TRIP12: variants seen among roughly 807,000 people sequenced by gnomAD.
The protein encoded by TRIP12 is E3 ubiquitin-protein ligase TRIP12.
A neutral mutation model predicts 244.2 loss-of-function variants in TRIP12; 25 were observed. The ratio of observed to expected loss-of-function variants is 0.10; its 90% CI spans 0.07 to 0.14. TRIP12 has a LOEUF of 0.14. TRIP12 is among the 10% of genes least tolerant of loss of function. The probability of loss-of-function intolerance (pLI) is 1.00; values close to 1 mark genes in which losing one functional copy is unlikely to be tolerated. For missense variants in TRIP12, 1,677 were observed against 2,486.4 expected (o/e 0.67, Z 6.92); for synonymous variants, 905 against 873.1 (o/e 1.04, Z -0.64).
At chr2:229,874,036 T>C (rs1340941397) in intron 2 of TRIP12, among the ~76,000 whole-genome samples, 1 of 151,008 alleles carries the variant, frequency 6.6e-6, no homozygotes, top group Non-Finnish European at 1.5e-5. Flanking sequence ...GTTGTAGAAA[T>C]TAAAATAAAC....
At chr2:229,887,973 C>T (rs796180923) in intron 1 of TRIP12, among the ~76,000 whole-genome samples, 3 of 152,260 alleles carry the variant, frequency 2.0e-5, no homozygotes, top group African/African-American at 7.2e-5. Flanking sequence ...TATCAGTAAT[C>T]TCATTCTAAA....
intron 1 of TRIP12, among the ~76,000 whole-genome samples, chr2:229,892,493 G>A (rs961317415): frequency 2.6e-5 from 4 of 152,208 alleles, no homozygotes; most frequent in African/African-American, 9.6e-5. Flanking sequence ...CTAAGCCTGA[G>A]TTTTCTCATC....
chr2:229,832,724 G>A (rs1210859806), intron 6 of TRIP12, among the ~76,000 whole-genome samples: 4 of 152,194 alleles, frequency 2.6e-5, no homozygotes, highest in African/African-American at 7.2e-5. Flanking sequence ...CTGAACTCAG[G>A]AAGTCTGACT....
chr2:229,821,197 C>T (rs2049964148), intron 8 of TRIP12, among the ~76,000 whole-genome samples: 4 of 152,096 alleles, frequency 2.6e-5, no homozygotes, highest in Admixed American at 2.0e-4. Context: ...TTGCTAGTAC[C>T]GTTTAGTGCC....
chr2:229,829,930 CAG>C (rs1225784228), intron 7 of TRIP12, among the ~76,000 whole-genome samples: 1 of 152,208 alleles, frequency 6.6e-6, no homozygotes, highest in African/African-American at 2.4e-5. Context: ...GCCTGGGCAA[CAG>C]AGTGAGATTC....
chr2:229,853,509 A>C lies in TRIP12; in HGVS notation c.1027+5263T>G, dbSNP rs1039221842. Among the ~76,000 whole-genome samples, 13 of 152,224 alleles carry C rather than the reference A, an allele frequency of 8.5e-5. 1 individual carries two copies. In the South Asian group the frequency reaches 2.3e-3, roughly 27 times the overall value. On this transcript the variant is annotated intron_variant, in intron 4 of 41. Coordinates refer to ENST00000675903, the MANE Select transcript of TRIP12 (RefSeq NM_001348323.3). ...ACCGCATCTCTACTAAAAATACAAA[A>C]ATTAGCCAGGTGTGGTGGCACCTGT...
chr2:229,844,256 A>G (rs2057115631), intron 4 of TRIP12, among the ~76,000 whole-genome samples: 1 of 152,206 alleles, frequency 6.6e-6, no homozygotes, highest in Admixed American at 6.5e-5. Flanking sequence ...TTCTCATTAC[A>G]TTAGACTATT....
intron 34 of TRIP12, among the ~76,000 whole-genome samples, chr2:229,783,173 C>T (rs888582181): frequency 3.3e-5 from 5 of 152,144 alleles, no homozygotes; most frequent in African/African-American, 7.2e-5. Context: ...CAATTTTAAG[C>T]GATTAAAAAT....
intron 2 of TRIP12, among the ~76,000 whole-genome samples, chr2:229,872,104 TAAAAAAAAAAAAAAAA>T (rs34496202): frequency 1.9e-5 from 2 of 105,278 alleles, no homozygotes; most frequent in African/African-American, 6.9e-5. Context: ...ACAGATATTG[TAAAAAAAAAAAAAAAA>T]AAAAAAAAAA....
intron 18 of TRIP12, among the ~76,000 whole-genome samples, chr2:229,804,496 CTTTAT>C (rs1052343460): frequency 3.5e-4 from 53 of 152,220 alleles, no homozygotes; most frequent in African/African-American, 1.2e-3. Flanking sequence ...CACTGTACCT[CTTTAT>C]TTTACTGATA....
Position 229,798,980 on chromosome 2 carries a change from C to G in TRIP12, c.3377G>C (p.Gly1126Ala). ...GCTGTTGGACTGTGTACTTAACCTT[C>G]CCCATGTTTTTGGATTCAAGCTTGC... ...FLASLNPKTW[G>A]RLSTQSNSNN... The change falls in exon 23 of 42, where the codon GGA becomes GCA. Residue 1126 changes from glycine to alanine, a missense_variant. Coordinates refer to ENST00000675903, the MANE Select transcript of TRIP12 (RefSeq NM_001348323.3). 6.2e-7 allele frequency: 1 copy of G among 1,614,146 alleles called. No homozygotes were observed. Among genetic ancestry groups the G allele is most frequent in the African/African-American group, 1.3e-5 (1 of 75,020 alleles).
At chr2:229,900,076 T>C (rs764232359) in intron 1 of TRIP12, among the ~76,000 whole-genome samples, 5 of 152,200 alleles carry the variant, frequency 3.3e-5, no homozygotes, top group Non-Finnish European at 7.3e-5. Flanking sequence ...ACAAAATAAC[T>C]TCAAAGTTTT....
chr2:229,864,097 C>A (rs2061071892), intron 2 of TRIP12, among the ~76,000 whole-genome samples: 1 of 150,086 alleles, frequency 6.7e-6, no homozygotes, highest in South Asian at 2.1e-4. Context: ...CACGTGCACA[C>A]ATGTGTTCAG....
chr2:229,900,051 T>C (rs775349116), intron 1 of TRIP12, among the ~76,000 whole-genome samples: 2 of 152,248 alleles, frequency 1.3e-5, no homozygotes, highest in African/African-American at 2.4e-5. Flanking sequence ...ATGGGTTTAT[T>C]CAAAACACAG....
chr2:229,816,453 A>G (rs1248920816), intron 9 of TRIP12, among the ~76,000 whole-genome samples: 2 of 152,192 alleles, frequency 1.3e-5, no homozygotes, highest in African/African-American at 4.8e-5. Context: ...ACCTTGTTAT[A>G]CTGTGTTTGG....
At chr2:229,772,429 T>C (rs993559625) in intron 38 of TRIP12, among the ~76,000 whole-genome samples, 3 of 152,220 alleles carry the variant, frequency 2.0e-5, no homozygotes, top group African/African-American at 7.2e-5. Flanking sequence ...GAATTACTTA[T>C]GAATCACAGA....
chr2:229,891,469 A>C (rs991209307), intron 1 of TRIP12, among the ~76,000 whole-genome samples: 2 of 151,400 alleles, frequency 1.3e-5, no homozygotes, highest in African/African-American at 4.9e-5. Flanking sequence ...TGACATGCAC[A>C]TCTAGGCCCA....
chr2:229,887,426 A>C (rs1399485970), intron 1 of TRIP12, among the ~76,000 whole-genome samples: 1 of 152,196 alleles, frequency 6.6e-6, no homozygotes, highest in Non-Finnish European at 1.5e-5. Context: ...GCCTGAAAAT[A>C]AGCCTAAACT....
chr2:229,808,848 T>A (rs1049762684), intron 15 of TRIP12, among the ~76,000 whole-genome samples: 1 of 152,234 alleles, frequency 6.6e-6, no homozygotes, highest in African/African-American at 2.4e-5. Context: ...CAACACTGAT[T>A]ACATGCAAAC....
Sources: allele counts gnomAD v4.1 joint callset (sites outside exome capture counted in the v4.1 genomes callset), GRCh38; gene constraint gnomAD v4.1.1; transcripts MANE v1.5; gene names NCBI Gene and HGNC (gene_info 2026-07-23, HGNC 2026-07-21).